The following LMOD3 variants were observed in gnomAD, a reference collection of about 807,000 sequenced individuals.
LMOD3 encodes leiomodin 3, also known as leiomodin-3.
A neutral mutation model predicts 41.8 loss-of-function variants in LMOD3; 31 were observed. The ratio of observed to expected loss-of-function variants is 0.74; its 90% CI spans 0.56 to 1.00. The LOEUF (loss-of-function observed/expected upper bound fraction) is 1.00. LMOD3 is among the 50% of genes least tolerant of loss of function. The pLI is 0.00. For synonymous variants in LMOD3, 292 were observed against 241.9 expected, an observed-to-expected ratio of 1.21 and a Z score of -1.92; for missense variants, 755 against 679.5, an observed-to-expected ratio of 1.11 and a Z score of -1.23.
intron 2 of LMOD3, among the ~76,000 whole-genome samples, chr3:69,116,710 G>A (rs1489489977): frequency 1.3e-5 from 2 of 152,102 alleles, no homozygotes; most frequent in African/African-American, 4.8e-5. Flanking sequence ...GTGTGCGGTC[G>A]AGACTGAACC....
At chr3:69,110,001 T>A (rs530427542) in intron 2 of LMOD3, among the ~76,000 whole-genome samples, 32 of 152,156 alleles carry the variant, frequency 2.1e-4, no homozygotes, top group African/African-American at 7.0e-4. Context: ...TGTAAAAATA[T>A]CACTATAAGA....
At chr3:69,110,853 A>ATATATATAT (rs1553686981) in intron 2 of LMOD3, among the ~76,000 whole-genome samples, 2 of 104,120 alleles carry the variant, frequency 1.9e-5, no homozygotes, top group African/African-American at 9.6e-5. Flanking sequence ...AAAAAAAAAA[A>ATATATATAT]ATATATATAT....
At chr3:69,110,700 G>A (rs2107520856) in intron 2 of LMOD3, among the ~76,000 whole-genome samples, 1 of 147,800 alleles carries the variant, frequency 6.8e-6, no homozygotes, top group Non-Finnish European at 1.5e-5. Flanking sequence ...AAAATTAGCT[G>A]GGCGTGGTGG....
rs1431240391 is a variant in LMOD3, at chr3:69,119,694, A to C, written c.661T>G (p.Leu221Val). 1 of 1,613,822 alleles carries C rather than the reference A, an allele frequency of 6.2e-7. No homozygotes were observed. Among genetic ancestry groups the C allele is most frequent in the African/African-American group, 1.3e-5 (1 of 74,922 alleles). ...KKISKLDPKK[L>V]ALDTSFLKVS... is the part of the protein sequence containing the mutation. Reference sequence around the variant, plus strand: ...TTCAAAAAGCTGGTGTCTAGAGCTAACTTCTTAGGATCTAATTTCGATATT... The same window carrying C: ...TTCAAAAAGCTGGTGTCTAGAGCTACCTTCTTAGGATCTAATTTCGATATT... The change falls in exon 2 of 3, where the codon TTA (leucine) becomes GTA (valine). Residue 221 changes from leucine (L) to valine (V), a missense_variant. Leu to Val is a conservative substitution (Grantham distance 32). Transcript: ENST00000420581.
At chr3:69,122,020 A>T in intron 1 of LMOD3, 73 bp downstream of exon 1, 1 of 1,239,170 alleles carries the variant, frequency 8.1e-7, no homozygotes, top group Non-Finnish European at 1.1e-6. Context: ...TTGAGAAATC[A>T]CAGTTACAAC....
intron 2 of LMOD3, among the ~76,000 whole-genome samples, chr3:69,116,083 TCAAAA>T (rs772648758): frequency 5.9e-5 from 9 of 152,172 alleles, no homozygotes; most frequent in Non-Finnish European, 1.2e-4. Flanking sequence ...TAAAATGACC[TCAAAA>T]CAAAACAAAA....
At position 69,119,334 on chromosome 3, in the gene LMOD3, T is replaced by A; in HGVS notation, c.1021A>T (p.Thr341Ser). ...MRCLQFNETL[T>S]ELRFHNQRHM... is the part of the protein sequence containing the mutation. Reference sequence around the variant, plus strand: ...CTCTGATTGTGAAACCGAAGCTCAGTTAGCGTCTCATTAAACTGGAGACAC... The same window carrying A: ...CTCTGATTGTGAAACCGAAGCTCAGATAGCGTCTCATTAAACTGGAGACAC... Residue 341 changes from threonine (T) to serine (S), a missense_variant, in exon 2 of 3, where the codon ACT becomes TCT. Transcript: ENST00000420581. 6.2e-7 allele frequency: 1 copy of A among 1,613,926 alleles called. No homozygotes were observed. Among genetic ancestry groups the A allele is most frequent in the Non-Finnish European group, 8.5e-7 (1 of 1,179,842 alleles).
chr3:69,119,218 A>T lies in LMOD3; in HGVS notation c.1137T>A (p.Leu379=). The change falls in exon 2 of 3, where the codon CTT becomes CTA. Residue 379 remains leucine, a synonymous_variant. Transcript: ENST00000420581. ...TAGTGACCACCATTCTGGGACCCGGAAGCTCAAAATGGTAGCCCATCTTCA... is the reference window on the plus strand; with the variant it reads ...TAGTGACCACCATTCTGGGACCCGGTAGCTCAAAATGGTAGCCCATCTTCA... ...TLLKMGYHFE[L]PGPRMVVTNL... The T allele has an allele frequency of 6.2e-7, 1 of 1,613,946 alleles. No individual in the cohort carries two copies. The highest frequency in any genetic ancestry group is 1.1e-5 in the South Asian group (1 of 91,068).
Position 69,119,535 on chromosome 3 carries a change from AG to A in LMOD3, c.819del (p.Phe274LeufsTer5). ...TTGTTTTTCTTCATTGCATTGACAA[AG>A]TCCAGTAACATTTCTTTGGGGATGT... ...IENIPKEMLLDFVNAMKKNKH... is the reference protein window; with the variant it reads ...IENIPKEMLLXFVNAMKKNKH... On this transcript the variant is annotated frameshift_variant, in exon 2 of 3. Coordinates refer to ENST00000420581, the MANE Select transcript of LMOD3 (RefSeq NM_198271.5). LOFTEE classifies it high-confidence loss of function. The A allele has an allele frequency of 6.2e-7, 1 of 1,613,972 alleles. No individual in the cohort carries two copies. Among genetic ancestry groups the A allele is most frequent in the East Asian group, 2.2e-5 (1 of 44,884 alleles).
chr3:69,111,840 C>T (rs1161854222), intron 2 of LMOD3, among the ~76,000 whole-genome samples: 1 of 152,190 alleles, frequency 6.6e-6, no homozygotes, highest in Non-Finnish European at 1.5e-5. Context: ...GTTCAGATCA[C>T]TGGGGAAAAG....
At chr3:69,121,516 A>T (rs760120825) in intron 1 of LMOD3, among the ~76,000 whole-genome samples, 15 of 152,256 alleles carry the variant, frequency 9.9e-5, no homozygotes, top group Admixed American at 3.9e-4. Context: ...AAAGTGAAGA[A>T]CTAGCTTCAA....
At chr3:69,109,898 C>T (rs749774588) in intron 2 of LMOD3, among the ~76,000 whole-genome samples, 9 of 152,198 alleles carry the variant, frequency 5.9e-5, no homozygotes, top group Non-Finnish European at 1.0e-4. Flanking sequence ...TCAGAGAAGA[C>T]AATAACTTGC....
chr3:69,110,369 A>G (rs1438802818), intron 2 of LMOD3, among the ~76,000 whole-genome samples: 1 of 151,786 alleles, frequency 6.6e-6, no homozygotes, highest in Non-Finnish European at 1.5e-5. Flanking sequence ...AGCTGGGACT[A>G]CAGGTGCATG....
intron 2 of LMOD3, among the ~76,000 whole-genome samples, chr3:69,109,476 C>T (rs1028372167): frequency 3.3e-4 from 48 of 147,412 alleles, no homozygotes; most frequent in African/African-American, 1.2e-3. Flanking sequence ...ATAACAGTAT[C>T]TAATTCACAA....
chr3:69,114,869 A>T (rs79568196), intron 2 of LMOD3, among the ~76,000 whole-genome samples: 1,802 of 151,306 alleles, frequency 0.012, 10 homozygotes, highest in Middle Eastern at 0.045. Context: ...AAGGAAAATA[A>T]CTACTTTTAT....
Position 69,115,491 on chromosome 3 carries a change from C to A in LMOD3, c.1656+3208G>T, listed in dbSNP as rs1050201000. Among the ~76,000 whole-genome samples the A allele has an allele frequency of 1.8e-4, 16 of 89,996 alleles. No homozygotes were observed. In the East Asian group the frequency reaches 2.9e-3, roughly 16 times the overall value. The allele number at this position is 89,996 out of a possible 152,430, so 59.0% of individuals were successfully genotyped here. A position where few individuals can be genotyped will look rare whatever the true frequency, so the allele number is the denominator to read the frequency against. On this transcript the variant is annotated intron_variant, in intron 2 of 2. Transcript: ENST00000420581. ...AGTGAGATCCTGCCTCAAACACACA[C>A]ACACACACACACACACACACACACA... is the stretch of plus-strand genomic sequence containing the variant.
At chr3:69,109,615 A>C (rs1575870567) in intron 2 of LMOD3, among the ~76,000 whole-genome samples, 1 of 145,034 alleles carries the variant, frequency 6.9e-6, no homozygotes, top group East Asian at 2.0e-4. Flanking sequence ...GCAACCTCCA[A>C]CTCCCGGGTT....
At position 69,119,119 on chromosome 3, in the gene LMOD3, T is replaced by C. The variant is rs775681887; in HGVS notation, c.1236A>G (p.Glu412=). Residue 412 remains glutamate (E), a synonymous_variant, in exon 2 of 3, where the codon GAA becomes GAG. Transcript: ENST00000420581. ...CTAACATGGCTATCAGCTTCTTCTG[T>C]TCCTTGAGTTGCTGCTGTTTTTGCT... ...QEEQKQQQLK[E]QKKLIAMLEN... 6.2e-7 allele frequency: 1 copy of C among 1,613,802 alleles called. No homozygotes were observed. Among genetic ancestry groups the C allele is most frequent in the Non-Finnish European group, 8.5e-7 (1 of 1,179,866 alleles).
chr3:69,120,603 T>C (rs2092403087), intron 1 of LMOD3, among the ~76,000 whole-genome samples: 1 of 150,864 alleles, frequency 6.6e-6, no homozygotes, highest in Non-Finnish European at 1.5e-5. Flanking sequence ...TTTTGGAATA[T>C]ATATATATTT....
Sources: allele counts gnomAD v4.1 joint callset (sites outside exome capture counted in the v4.1 genomes callset), GRCh38; gene constraint gnomAD v4.1.1; transcripts MANE v1.5; gene names NCBI Gene and HGNC (gene_info 2026-07-23, HGNC 2026-07-21).